Variants in STX17 observed in about 807,000 individuals in gnomAD.
STX17 encodes syntaxin 17.
A neutral mutation model predicts 35.9 loss-of-function variants in STX17; 29 were observed. The ratio of observed to expected loss-of-function variants is 0.81; its 90% CI spans 0.60 to 1.10. The LOEUF is 1.10. Ranked by LOEUF, STX17 falls within the 50% of genes least tolerant of loss-of-function variation. The pLI, the probability that STX17 is intolerant of heterozygous loss-of-function variation, is 0.00. For missense variants in STX17, 312 were observed against 352.3 expected (o/e 0.89, Z 0.92); for synonymous variants, 92 against 118.3 (o/e 0.78, Z 1.44).
At chr9:99,908,612 CT>C (rs919315457) in intron 1 of STX17, among the ~76,000 whole-genome samples, 4 of 151,902 alleles carry the variant, frequency 2.6e-5, no homozygotes, top group Admixed American at 6.6e-5. Context: ...TGCTTCCATC[CT>C]TTTTTTTCTT....
At chr9:99,963,189 G>A (rs1324131396) in intron 6 of STX17, among the ~76,000 whole-genome samples, 1 of 152,086 alleles carries the variant, frequency 6.6e-6, no homozygotes, top group African/African-American at 2.4e-5. Context: ...GACAGATCAA[G>A]GTATAGTACA....
At chr9:99,968,160 G>A (rs1414183190) in intron 7 of STX17, among the ~76,000 whole-genome samples, 1 of 152,188 alleles carries the variant, frequency 6.6e-6, no homozygotes, top group Non-Finnish European at 1.5e-5. Flanking sequence ...GTTTAAATAA[G>A]CCAGCTAGAT....
chr9:99,931,319 G>GT (rs5899395), intron 3 of STX17, among the ~76,000 whole-genome samples: 57,901 of 151,746 alleles, frequency 0.38, 11,650 homozygotes, highest in East Asian at 0.7. Flanking sequence ...TTGTTTTTTT[G>GT]TTTTTTCCCT....
At chr9:99,942,116 A>T (rs751108176) in intron 3 of STX17, among the ~76,000 whole-genome samples, 1 of 152,222 alleles carries the variant, frequency 6.6e-6, no homozygotes, top group Non-Finnish European at 1.5e-5. Flanking sequence ...TGGGCACCAC[A>T]TCCTTACCAA....
At position 99,960,304 on chromosome 9, in the gene STX17, A is replaced by G. The variant is rs1016141467; in HGVS notation, c.582+149A>G. On this transcript the variant is annotated intron_variant, in intron 6 of 7. Coordinates refer to ENST00000259400, the MANE Select transcript of STX17 (RefSeq NM_017919.3). ...ATAGATAGAAGTTTAACTGTTCTCA[A>G]ATTCCAGATTAATTCAAGAAACTTT... is the stretch of plus-strand genomic sequence containing the variant. 3.7e-6 allele frequency: 3 copies of G among 819,556 alleles called. No homozygotes were observed. The African/African-American group carries it at 5.2e-5, about 14-fold the overall frequency. 50.8% of individuals were successfully genotyped at this position (819,556 alleles called of 1,614,324 possible). A position where few individuals can be genotyped will look rare whatever the true frequency, so the allele number is the denominator to read the frequency against.
In STX17 at chr9:99,969,567, G is replaced by A. The variant is rs562321854; in HGVS notation, c.*894G>A. 2.4e-4 allele frequency: 37 copies of A among 152,378 alleles called. No individual in the cohort carries two copies. The highest frequency in any genetic ancestry group is 8.2e-4 in the African/African-American group (34 of 41,498). The allele number at this position is 152,378 out of a possible 1,614,324, so 9.4% of individuals were successfully genotyped here. ...AAAAGAAAAGAAAAAAAGAAATTTC[G>A]AGATATTTTCAACATTGTTAGAGTT... On this transcript the variant is annotated 3_prime_UTR_variant, in exon 8 of 8. Coordinates refer to ENST00000259400, the MANE Select transcript of STX17 (RefSeq NM_017919.3).
At chr9:99,959,885 ACT>A (rs776706514) in intron 4 of STX17, 30 bp from the exon 5 acceptor site, 1 of 1,486,952 alleles carries the variant, frequency 6.7e-7, no homozygotes, top group South Asian at 1.2e-5. Flanking sequence ...AAGCAAATAA[ACT>A]CTAAACATGG....
intron 3 of STX17, among the ~76,000 whole-genome samples, chr9:99,949,487 T>C (rs1423757184): frequency 2.6e-5 from 4 of 152,040 alleles, no homozygotes; most frequent in African/African-American, 9.7e-5. Flanking sequence ...TTGCTGGCCC[T>C]ATCGGAATAT....
Position 99,915,229 on chromosome 9 carries a change from AT to A in STX17, c.-4del. 4 of 1,607,748 alleles carry A rather than the reference AT, an allele frequency of 2.5e-6. No homozygotes were observed. Among genetic ancestry groups the A allele is most frequent in the Admixed American group, 1.7e-5 (1 of 58,912 alleles). On this transcript the variant is annotated 5_prime_UTR_variant, in exon 2 of 8. It removes the in-frame stop codon of an upstream open reading frame in the 5' UTR. Coordinates refer to ENST00000259400, the MANE Select transcript of STX17 (RefSeq NM_017919.3). ...GCTGTTACCAGGGAGGTCATACAAC[AT>A]TTTTTTAGGATGTCTGAAGATGAAG...
At chr9:99,959,303 G>A (rs925990968) in intron 4 of STX17, among the ~76,000 whole-genome samples, 1 of 151,910 alleles carries the variant, frequency 6.6e-6, no homozygotes, top group Non-Finnish European at 1.5e-5. Flanking sequence ...AGCATTTTGG[G>A]AAGCTGAGGC....
At chr9:99,912,382 A>T (rs1481149081) in intron 1 of STX17, among the ~76,000 whole-genome samples, 2 of 151,838 alleles carry the variant, frequency 1.3e-5, no homozygotes, top group Admixed American at 1.3e-4. Flanking sequence ...GTTGAGCATT[A>T]AAAAAAATAC....
At chr9:99,929,613 C>G (rs982871293) in intron 3 of STX17, among the ~76,000 whole-genome samples, 1 of 149,374 alleles carries the variant, frequency 6.7e-6, no homozygotes, top group East Asian at 1.9e-4. Flanking sequence ...TTTTTTTTTT[C>G]TTATGGTAGG....
intron 4 of STX17, among the ~76,000 whole-genome samples, chr9:99,957,079 A>C (rs545397780): frequency 6.2e-4 from 94 of 152,254 alleles, no homozygotes; most frequent in Middle Eastern, 3.4e-3. Flanking sequence ...GTAGGCTTAT[A>C]CTTGTAACTT....
intron 2 of STX17, 141 bp downstream of exon 2, chr9:99,915,503 T>C (rs1346954611): frequency 9.5e-7 from 1 of 1,047,546 alleles, no homozygotes; most frequent in Non-Finnish European, 1.3e-6. Context: ...ACATTATGCA[T>C]TTTTTAGCTG....
Position 99,973,854 on chromosome 9 carries a change from C to T in STX17, c.*5181C>T, listed in dbSNP as rs1830058466. ...CATTCACAGCCTTCTACGTTCTGGC[C>T]CCAGCTTTATCTCTTGAAACTCACT... is the stretch of plus-strand genomic sequence containing the variant. On this transcript the variant is annotated 3_prime_UTR_variant, in exon 8 of 8. Transcript: ENST00000259400. 1.3e-5 allele frequency among the ~76,000 whole-genome samples: 2 copies of T among 152,198 alleles called. No homozygotes were observed. Among genetic ancestry groups the T allele is most frequent in the South Asian group, 4.2e-4 (2 of 4,816 alleles).
chr9:99,972,140 C>G lies in STX17; in HGVS notation c.*3467C>G, dbSNP rs1014949349. Among the ~76,000 whole-genome samples the G allele has an allele frequency of 6.6e-6, 1 of 152,200 alleles. No homozygotes were observed. The highest frequency in any genetic ancestry group is 2.4e-5 in the African/African-American group (1 of 41,444). On this transcript the variant is annotated 3_prime_UTR_variant, in exon 8 of 8. Coordinates refer to ENST00000259400, the MANE Select transcript of STX17 (RefSeq NM_017919.3). Reference sequence around the variant, plus strand: ...AGTTTTTAATGGTAGCTGATGCAGACATAAACAGTGCTCAATTTGGCCCTT... The same window carrying G: ...AGTTTTTAATGGTAGCTGATGCAGAGATAAACAGTGCTCAATTTGGCCCTT...
At chr9:99,957,656 G>GTT (rs139402328) in intron 4 of STX17, among the ~76,000 whole-genome samples, 3 of 133,844 alleles carry the variant, frequency 2.2e-5, no homozygotes, top group African/African-American at 5.6e-5. Context: ...TATTGTTTTT[G>GTT]TTTTTTTTTT....
At chr9:99,948,532 T>A (rs747331373) in intron 3 of STX17, among the ~76,000 whole-genome samples, 5 of 152,160 alleles carry the variant, frequency 3.3e-5, no homozygotes, top group Non-Finnish European at 7.4e-5. Flanking sequence ...ACTAGCAGTG[T>A]AATCCTGGGC....
At chr9:99,945,748 G>T in intron 3 of STX17, 2 of 395,452 alleles carry the variant, frequency 5.1e-6, no homozygotes, top group South Asian at 1.9e-5. Flanking sequence ...CCTTCTCCAA[G>T]GATTTCATCA....
Sources: allele counts gnomAD v4.1 joint callset (sites outside exome capture counted in the v4.1 genomes callset), GRCh38; gene constraint gnomAD v4.1.1; transcripts MANE v1.5; gene names NCBI Gene and HGNC (gene_info 2026-07-23, HGNC 2026-07-21).